STX17: variants seen among roughly 807,000 people sequenced by gnomAD.
The protein encoded by STX17 is syntaxin 17, also known as syntaxin-17.
STX17 carries 29 observed loss-of-function variants against 35.9 expected under a neutral mutation model. That is an observed-to-expected ratio of 0.81 (90% CI 0.60 to 1.10). The LOEUF (loss-of-function observed/expected upper bound fraction) is 1.10, where lower values mean the gene tolerates loss of function less well. STX17 is among the 50% of genes least tolerant of loss of function. The pLI, the probability that STX17 is intolerant of heterozygous loss-of-function variation, is 0.00. For missense variants in STX17, 312 were observed against 352.3 expected (o/e 0.89, Z 0.92); for synonymous variants, 92 against 118.3 (o/e 0.78, Z 1.44).
intron 6 of STX17, among the ~76,000 whole-genome samples, chr9:99,962,829 C>CT (rs1829852561): frequency 6.6e-6 from 1 of 152,116 alleles, no homozygotes; most frequent in Non-Finnish European, 1.5e-5. Context: ...CCCAGGGTGA[C>CT]TAAGTTCTCA....
chr9:99,915,026 G>T, intron 1 of STX17, 152 bp from the exon 2 acceptor site: 1 of 325,600 alleles, frequency 3.1e-6, no homozygotes, highest in Non-Finnish European at 5.4e-6. Context: ...TTAAAAATCA[G>T]TGGTTTCATA....
intron 1 of STX17, among the ~76,000 whole-genome samples, chr9:99,911,253 G>A (rs550956630): frequency 9.2e-5 from 14 of 152,184 alleles, no homozygotes; most frequent in African/African-American, 3.4e-4. Context: ...AGCCAGGATG[G>A]TCTCGATCTC....
intron 6 of STX17, among the ~76,000 whole-genome samples, chr9:99,962,156 C>T (rs1238329878): frequency 6.6e-6 from 1 of 152,132 alleles, no homozygotes; most frequent in East Asian, 1.9e-4. Flanking sequence ...TCTTACTATG[C>T]TTATGTTCCA....
intron 2 of STX17, among the ~76,000 whole-genome samples, chr9:99,918,516 T>G (rs967613608): frequency 6.2e-4 from 95 of 152,022 alleles, no homozygotes; most frequent in African/African-American, 2.2e-3. Flanking sequence ...TTTTTTTTTT[T>G]GTAAGTTTTC....
intron 6 of STX17, among the ~76,000 whole-genome samples, chr9:99,965,726 C>A (rs1404640667): frequency 6.6e-6 from 1 of 151,890 alleles, no homozygotes; most frequent in Non-Finnish European, 1.5e-5. Context: ...CTAAAAGATA[C>A]CTGAAGTTTT....
intron 3 of STX17, among the ~76,000 whole-genome samples, chr9:99,950,353 C>G (rs1829568725): frequency 6.6e-6 from 1 of 151,824 alleles, no homozygotes; most frequent in African/African-American, 2.4e-5. Context: ...TGCACATTAT[C>G]ATTTGAATAT....
At chr9:99,911,723 C>T (rs994778396) in intron 1 of STX17, among the ~76,000 whole-genome samples, 2 of 151,942 alleles carry the variant, frequency 1.3e-5, no homozygotes, top group African/African-American at 2.4e-5. Flanking sequence ...ACTACAGGCA[C>T]CCACCACCAC....
At chr9:99,934,487 A>G (rs1829187037) in intron 3 of STX17, among the ~76,000 whole-genome samples, 1 of 152,130 alleles carries the variant, frequency 6.6e-6, no homozygotes, top group African/African-American at 2.4e-5. Context: ...TTGATGTTGA[A>G]ATAAGTGAGA....
chr9:99,936,408 T>C (rs1242876366), intron 3 of STX17, among the ~76,000 whole-genome samples: 1 of 152,250 alleles, frequency 6.6e-6, no homozygotes, highest in Non-Finnish European at 1.5e-5. Context: ...TGGTATCTCA[T>C]GAGTTTAACC....
chr9:99,913,505 T>C (rs1828699293), intron 1 of STX17, among the ~76,000 whole-genome samples: 1 of 152,132 alleles, frequency 6.6e-6, no homozygotes, highest in African/African-American at 2.4e-5. Context: ...GGCTGGCCTC[T>C]TACTGTTTCA....
chr9:99,953,851 T>C (rs954788809), intron 4 of STX17: 1 of 152,106 alleles, frequency 6.6e-6, no homozygotes, highest in Non-Finnish European at 1.5e-5. Flanking sequence ...TTGCATTTTA[T>C]TATTGCATTA....
intron 3 of STX17, among the ~76,000 whole-genome samples, chr9:99,940,566 C>T (rs1440754378): frequency 1.3e-5 from 2 of 150,392 alleles, no homozygotes; most frequent in East Asian, 1.9e-4. Flanking sequence ...GCAACCTCCA[C>T]CCCCCGGCTT....
intron 3 of STX17, among the ~76,000 whole-genome samples, chr9:99,931,698 C>G (rs890722309): frequency 5.3e-5 from 8 of 152,114 alleles, no homozygotes; most frequent in Non-Finnish European, 1.0e-4. Flanking sequence ...TTGGCAGTCC[C>G]TGTTCTATTG....
intron 3 of STX17, among the ~76,000 whole-genome samples, chr9:99,942,400 T>G (rs960382245): frequency 2.6e-5 from 4 of 152,244 alleles, no homozygotes; most frequent in African/African-American, 9.6e-5. Context: ...ACTTTTTCAC[T>G]GTCTTAGTGG....
rs1257089069 is a variant in STX17, at chr9:99,906,688, T to C, written c.-81T>C. 6.6e-6 allele frequency: 1 copy of C among 151,266 alleles called. No homozygotes were observed. 9.4% of individuals were successfully genotyped at this position (151,266 alleles called of 1,614,324 possible). Reference sequence around the variant, plus strand: ...CCTGCGCCGTGCCCACCGACCGGCCTCGAGCGCCCCGGCGGGAGGTAAGGG... The same window carrying C: ...CCTGCGCCGTGCCCACCGACCGGCCCCGAGCGCCCCGGCGGGAGGTAAGGG... On this transcript the variant is annotated 5_prime_UTR_variant, in exon 1 of 8. Transcript: ENST00000259400.
At chr9:99,933,465 T>C (rs1829166223) in intron 3 of STX17, among the ~76,000 whole-genome samples, 1 of 152,200 alleles carries the variant, frequency 6.6e-6, no homozygotes, top group Non-Finnish European at 1.5e-5. Context: ...ATACACAGTC[T>C]TGTTGGGAAG....
chr9:99,927,776 C>T (rs748100255), intron 2 of STX17, among the ~76,000 whole-genome samples: 2 of 152,114 alleles, frequency 1.3e-5, no homozygotes, highest in Admixed American at 6.5e-5. Flanking sequence ...CGCGCCTGGC[C>T]GGTCTAATTG....
intron 4 of STX17, among the ~76,000 whole-genome samples, chr9:99,957,201 CTCT>C: frequency 6.6e-6 from 1 of 152,302 alleles, no homozygotes; most frequent in African/African-American, 2.4e-5. Context: ...ATGTATTCCT[CTCT>C]TCTTTGCCTA....
Position 99,970,133 on chromosome 9 carries a change from T to A in STX17, c.*1460T>A, listed in dbSNP as rs1829994789. The A allele has an allele frequency of 6.6e-6, 1 of 152,220 alleles. No individual in the cohort carries two copies. The highest frequency in any genetic ancestry group is 1.5e-5 in the Non-Finnish European group (1 of 68,056). The allele number at this position is 152,220 out of a possible 1,614,324, so 9.4% of individuals were successfully genotyped here. A position where few individuals can be genotyped will look rare whatever the true frequency, so the allele number is the denominator to read the frequency against. On this transcript the variant is annotated 3_prime_UTR_variant, in exon 8 of 8. Transcript: ENST00000259400. ...CCTGCACCCCAGAAGGTGTGAGCTG[T>A]CTCTCTGCCAGGAGCTAAGGTTCAT...
Sources: allele counts gnomAD v4.1 joint callset (sites outside exome capture counted in the v4.1 genomes callset), GRCh38; gene constraint gnomAD v4.1.1; transcripts MANE v1.5; gene names NCBI Gene and HGNC (gene_info 2026-07-23, HGNC 2026-07-21).